PKD1L1: variants seen among roughly 807,000 people sequenced by gnomAD.
The protein encoded by PKD1L1 is polycystin-1-like protein 1.
In PKD1L1, 236 loss-of-function variants were observed where a neutral mutation model predicts 323.4. That is an observed-to-expected ratio of 0.73 (90% CI 0.66 to 0.81). PKD1L1 has a LOEUF of 0.81. Ranked by LOEUF, PKD1L1 falls within the 40% of genes least tolerant of loss-of-function variation. The pLI, the probability that PKD1L1 is intolerant of heterozygous loss-of-function variation, is 0.00. For missense variants in PKD1L1, 3,320 were observed against 3,508.0 expected (o/e 0.95, Z 1.35); for synonymous variants, 1,344 against 1,335.0 (o/e 1.01, Z -0.15).
At chr7:47,935,601 A>T (rs571228886) in intron 4 of PKD1L1, among the ~76,000 whole-genome samples, 172 of 152,228 alleles carry the variant, frequency 1.1e-3, no homozygotes, top group Non-Finnish European at 2.3e-3. Context: ...CTGCCCTCAC[A>T]GGTGGCTGTC....
chr7:47,888,933 G>A (rs1786747029), intron 16 of PKD1L1, among the ~76,000 whole-genome samples: 1 of 152,194 alleles, frequency 6.6e-6, no homozygotes, highest in South Asian at 2.1e-4. Context: ...ACTCTGGGGT[G>A]TGTGTGGTAC....
chr7:47,909,385 C>T (rs554080078), intron 8 of PKD1L1, among the ~76,000 whole-genome samples: 7 of 152,286 alleles, frequency 4.6e-5, no homozygotes, highest in African/African-American at 1.7e-4. Context: ...ACTGCTCAGA[C>T]GGCCGGTCTC....
At chr7:47,834,793 A>T (rs904127540) in intron 39 of PKD1L1, among the ~76,000 whole-genome samples, 174 bp downstream of exon 39, 3 of 152,248 alleles carry the variant, frequency 2.0e-5, no homozygotes, top group Admixed American at 2.0e-4. Flanking sequence ...TGGGCAAATA[A>T]AATGGACAGA....
In PKD1L1 at chr7:47,827,435, G is replaced by A. The variant is rs376529305; in HGVS notation, c.6769C>T (p.Arg2257Cys). The A allele has an allele frequency of 1.2e-5, 20 of 1,612,186 alleles. No individual in the cohort carries two copies. The highest frequency in any genetic ancestry group is 3.3e-5 in the Admixed American group (2 of 59,996). The change falls in exon 45 of 57, where the codon CGC (arginine) becomes TGC (cysteine). Residue 2257 changes from arginine to cysteine, a missense_variant. Arg to Cys is a radical substitution (Grantham distance 180, BLOSUM62 -3). Transcript: ENST00000289672. Reference protein sequence around the residue: ...LAARQQARHLRWAHPPSKAQL... With the variant: ...LAARQQARHLCWAHPPSKAQL... ...GCCTTGGATGGTGGATGCGCCCAGC[G>A]CAGGTGGCGAGCTTGTTGTCGGGCA...
intron 56 of PKD1L1, among the ~76,000 whole-genome samples, chr7:47,790,905 G>GT (rs568740676): frequency 1.3e-5 from 2 of 151,562 alleles, no homozygotes; most frequent in Non-Finnish European, 2.9e-5. Flanking sequence ...CACAGGTTTT[G>GT]TTTTTTTCTT....
At chr7:47,902,312 C>G in intron 13 of PKD1L1, 67 bp downstream of exon 13, 1 of 1,573,192 alleles carries the variant, frequency 6.4e-7, no homozygotes, top group Non-Finnish European at 8.7e-7. Flanking sequence ...CCACTCCAAA[C>G]AGTGGTCCCA....
intron 8 of PKD1L1, 149 bp downstream of exon 8, chr7:47,915,283 C>T: frequency 1.8e-6 from 1 of 545,958 alleles, no homozygotes; most frequent in Non-Finnish European, 3.2e-6. Flanking sequence ...ATAAATTAAC[C>T]TAACAATGCC....
intron 9 of PKD1L1, 58 bp from the exon 10 acceptor site, chr7:47,906,020 C>A: frequency 1.4e-6 from 2 of 1,452,098 alleles, no homozygotes; most frequent in Non-Finnish European, 9.3e-7. Flanking sequence ...TCACTTTTAT[C>A]ATGCAACACA....
In PKD1L1 at chr7:47,877,519, G is replaced by A; in HGVS notation, c.3633C>T (p.Val1211=). ...QPHHGLEAHT[V]FSVFCMSGKP... ...TTCCAGACATGCAGAAGACACTGAA[G>A]ACGGTGTGTGCTTCCAGACCATGGT... Residue 1211 remains valine, a synonymous_variant, in exon 22 of 57, where the codon GTC becomes GTT. Transcript: ENST00000289672. 1 of 1,613,960 alleles carries A rather than the reference G, an allele frequency of 6.2e-7. No individual in the cohort carries two copies. The highest frequency in any genetic ancestry group is 8.5e-7 in the Non-Finnish European group (1 of 1,179,920).
intron 46 of PKD1L1, among the ~76,000 whole-genome samples, chr7:47,817,477 A>T (rs1161689040): frequency 1.3e-5 from 2 of 152,180 alleles, no homozygotes; most frequent in Non-Finnish European, 2.9e-5. Flanking sequence ...GGACAATATT[A>T]AAAAAATCAA....
rs1225214936 is a variant in PKD1L1 at position 47,880,284 on chromosome 7, A to ATATAT, written c.3520+443_3520+444insATATA. On this transcript the variant is annotated intron_variant, in intron 21 of 56. Coordinates refer to ENST00000289672, the MANE Select transcript of PKD1L1 (RefSeq NM_138295.5). ...TATATACATATATATATATATATAT[A>ATATAT]TTTTTTTTTTTTTTTTTGAGACAGT... Among the ~76,000 whole-genome samples the ATATAT allele has an allele frequency of 8.1e-4, 46 of 56,774 alleles. 1 individual carries two copies. Among genetic ancestry groups the ATATAT allele is most frequent in the African/African-American group, 3.5e-3 (33 of 9,380 alleles). 37.2% of individuals were successfully genotyped at this position (56,774 alleles called of 152,430 possible).
intron 54 of PKD1L1, among the ~76,000 whole-genome samples, chr7:47,796,603 G>C (rs1784539986): frequency 6.6e-6 from 1 of 152,068 alleles, no homozygotes; most frequent in African/African-American, 2.4e-5. Context: ...GCCTCCAGGT[G>C]GTTTATTTCT....
At position 47,932,007 on chromosome 7, in the gene PKD1L1, C is replaced by T. The variant is rs775850280; in HGVS notation, c.448G>A (p.Gly150Ser). 6.2e-7 allele frequency: 1 copy of T among 1,614,058 alleles called. No homozygotes were observed. The highest frequency in any genetic ancestry group is 8.5e-7 in the Non-Finnish European group (1 of 1,179,944). ...IIIARAWSSG[G>S]PRFHHRRLCA... The stretch of plus-strand genomic sequence containing the variant: ...AGCCGCCTGTGATGGAACCTGGGGC[C>T]ACCACTGCTCCAGGCCCTTGCGATT... Residue 150 changes from glycine to serine, a missense_variant, in exon 5 of 57, where the codon GGC becomes AGC. Gly to Ser is a moderately conservative substitution (Grantham distance 56). Coordinates refer to ENST00000289672, the MANE Select transcript of PKD1L1 (RefSeq NM_138295.5).
At chr7:47,910,826 TTGTGTGTGTGTGTG>T (rs60550498) in intron 8 of PKD1L1, among the ~76,000 whole-genome samples, 1 of 126,082 alleles carries the variant, frequency 7.9e-6, no homozygotes, top group Non-Finnish European at 1.6e-5. Flanking sequence ...CCAGCTGATT[TTGTGTGTGTGTGTG>T]TGTGTGTGTG....
In PKD1L1 at chr7:47,902,449, T is replaced by A; in HGVS notation, c.1994A>T (p.Gln665Leu). Residue 665 changes from glutamine to leucine, a missense_variant, in exon 13 of 57, where the codon CAG (glutamine) becomes CTG (leucine). Gln to Leu is a moderately radical substitution (Grantham distance 113, BLOSUM62 -2). Transcript: ENST00000289672. ...GGGCTCGCACACGATGAAAAGTTGC[T>A]GTCTTAGAGTGGAGGCACTGACATT... is the stretch of plus-strand genomic sequence containing the variant. ...FNNVSASTLR[Q>L]QLFIVCEPCQ... 6.2e-7 allele frequency: 1 copy of A among 1,614,168 alleles called. No homozygotes were observed. The highest frequency in any genetic ancestry group is 1.3e-5 in the African/African-American group (1 of 75,054).
chr7:47,803,354 A>T lies in PKD1L1; in HGVS notation c.7828-10T>A. 3 of 1,613,376 alleles carry T rather than the reference A, an allele frequency of 1.9e-6. No homozygotes were observed. The highest frequency in any genetic ancestry group is 2.5e-6 in the Non-Finnish European group (3 of 1,179,884). On this transcript the variant is annotated splice_polypyrimidine_tract_variant and intron_variant, in intron 52 of 56. Coordinates refer to ENST00000289672, the MANE Select transcript of PKD1L1 (RefSeq NM_138295.5). ...GGAGCCATCGAGCCCTCTGAGACAGAAGAACATAACAGTCAGTGTGCCATG... is the reference window on the plus strand; with the variant it reads ...GGAGCCATCGAGCCCTCTGAGACAGTAGAACATAACAGTCAGTGTGCCATG...
chr7:47,795,570 G>A (rs1407910810), intron 55 of PKD1L1: 1 of 346,716 alleles, frequency 2.9e-6, no homozygotes, highest in Non-Finnish European at 5.6e-6. Flanking sequence ...GGTTTGATTT[G>A]TTTACATGCA....
Position 47,885,749 on chromosome 7 carries a change from A to T in PKD1L1, c.3142T>A (p.Ser1048Thr). Residue 1048 changes from serine (S) to threonine (T), a missense_variant, in exon 18 of 57, where the codon TCC becomes ACC. Transcript: ENST00000289672. ...CTCTCAGAGCGGCCAGTCATCAGGGATCCCTTGCTCTGTGGCCCTGGCTCT... is the reference window on the plus strand; with the variant it reads ...CTCTCAGAGCGGCCAGTCATCAGGGTTCCCTTGCTCTGTGGCCCTGGCTCT... ...DLEPGPQSKG[S>T]LMTGRSERSQ... 4.3e-6 allele frequency: 7 copies of T among 1,614,162 alleles called. No homozygotes were observed. The highest frequency in any genetic ancestry group is 5.9e-6 in the Non-Finnish European group (7 of 1,180,006).
In PKD1L1 at chr7:47,942,729, T is replaced by C. The variant is rs575525653; in HGVS notation, c.160+667A>G. Among the ~76,000 whole-genome samples the C allele has an allele frequency of 4.9e-4, 75 of 152,260 alleles. 2 individuals carry two copies. In the East Asian group the frequency reaches 9.9e-3, roughly 20 times the overall value. ...TCCTGTAACCTAAGTATTCCCTTCA[T>C]TGGGCTCTGGGAGGCCCCACTTACA... On this transcript the variant is annotated intron_variant, in intron 2 of 56. Transcript: ENST00000289672.
Sources: allele counts gnomAD v4.1 joint callset (sites outside exome capture counted in the v4.1 genomes callset), GRCh38; gene constraint gnomAD v4.1.1; transcripts MANE v1.5; gene names NCBI Gene and HGNC (gene_info 2026-07-23, HGNC 2026-07-21).